CAMTA1: variants seen among roughly 807,000 people sequenced by gnomAD.
The protein encoded by CAMTA1 is calmodulin binding transcription activator 1, also known as calmodulin-binding transcription activator 1.
Under a neutral mutation model 170.9 loss-of-function variants are expected in CAMTA1, and 27 were observed. The ratio of observed to expected loss-of-function variants is 0.16; its 90% CI spans 0.12 to 0.22. The LOEUF (loss-of-function observed/expected upper bound fraction) is 0.22. Ranked by LOEUF, CAMTA1 falls within the 10% of genes least tolerant of loss-of-function variation. The pLI is 1.00. For missense variants in CAMTA1, 1,619 were observed against 2,217.2 expected, an observed-to-expected ratio of 0.73 and a Z score of 5.42; for synonymous variants, 833 against 891.5, an observed-to-expected ratio of 0.93 and a Z score of 1.17.
chr1:7,078,211 A>G (rs1199550273), intron 3 of CAMTA1, among the ~76,000 whole-genome samples: 1 of 152,236 alleles, frequency 6.6e-6, no homozygotes, highest in Non-Finnish European at 1.5e-5. Flanking sequence ...AAGGTTGAAG[A>G]AGAAGCCAAA....
intron 5 of CAMTA1, among the ~76,000 whole-genome samples, chr1:7,347,132 T>C (rs1482072160): frequency 6.6e-6 from 1 of 152,200 alleles, no homozygotes; most frequent in Non-Finnish European, 1.5e-5. Flanking sequence ...CTCATCCCGG[T>C]GGCAGCGTCT....
chr1:6,867,806 T>C (rs1443233416), intron 3 of CAMTA1, among the ~76,000 whole-genome samples: 8 of 151,728 alleles, frequency 5.3e-5, no homozygotes, highest in Non-Finnish European at 1.2e-4. Flanking sequence ...TTTTTTTTTC[T>C]TTTTTTTCCC....
Position 7,577,029 on chromosome 1 carries a change from G to A in CAMTA1, c.511-63371G>A, listed in dbSNP as rs59978392. On this transcript the variant is annotated intron_variant, in intron 6 of 22. Transcript: ENST00000303635. ...CCTTTGTGGTTATTCTTTGCTGAAC[G>A]CCACAACTCCTCAAGCCGAGAGTCA... Among the ~76,000 whole-genome samples the A allele has an allele frequency of 2.9e-3, 444 of 152,320 alleles. 2 individuals are homozygous for A. Among genetic ancestry groups the A allele is most frequent in the African/African-American group, 0.01 (424 of 41,564 alleles).
intron 5 of CAMTA1, among the ~76,000 whole-genome samples, chr1:7,357,353 G>A (rs1212390907): frequency 6.6e-6 from 1 of 152,234 alleles, no homozygotes; most frequent in Non-Finnish European, 1.5e-5. Flanking sequence ...TGGGCTCCTG[G>A]TGAGGAGGGG....
At chr1:7,225,510 T>C (rs1661542128) in intron 4 of CAMTA1, among the ~76,000 whole-genome samples, 1 of 152,238 alleles carries the variant, frequency 6.6e-6, no homozygotes, top group East Asian at 1.9e-4. Flanking sequence ...GGATTTCCCT[T>C]GGAACTTCCC....
At position 7,633,252 on chromosome 1, in the gene CAMTA1, C is replaced by T. The variant is rs554842044; in HGVS notation, c.511-7148C>T. On this transcript the variant is annotated intron_variant, in intron 6 of 22. Transcript: ENST00000303635. The surrounding 1 kb of genome is among the most constrained non-coding windows in gnomAD (Gnocchi z 4.1). ...GAGATGCCCTTCCACCACCTTCAGC[C>T]TGAGAGTCCTGTGCCTGGCAGGGCC... Among the ~76,000 whole-genome samples the T allele has an allele frequency of 1.3e-5, 2 of 152,366 alleles. No individual in the cohort carries two copies. Among genetic ancestry groups the T allele is most frequent in the South Asian group, 4.1e-4 (2 of 4,834 alleles).
intron 3 of CAMTA1, among the ~76,000 whole-genome samples, chr1:7,026,468 G>A (rs1477110797): frequency 6.6e-6 from 1 of 152,182 alleles, no homozygotes; most frequent in Non-Finnish European, 1.5e-5. Flanking sequence ...CCTGCTACCT[G>A]TGGCTCCCCT....
chr1:7,481,681 C>T (rs533127983), intron 6 of CAMTA1, among the ~76,000 whole-genome samples: 61 of 152,302 alleles, frequency 4.0e-4, no homozygotes, highest in Admixed American at 1.8e-3. Flanking sequence ...TGATCACTTA[C>T]GTGTTCCACC....
In CAMTA1 at chr1:6,819,735, T is replaced by A. The variant is rs186208726; in HGVS notation, c.46-446T>A. 2.0e-5 allele frequency among the ~76,000 whole-genome samples: 3 copies of A among 152,360 alleles called. No individual in the cohort carries two copies. In the East Asian group the frequency reaches 5.8e-4, roughly 29 times the overall value. ...CCTGAGCCATTTGAGGATAAATTGC[T>A]GATAAGTTCCATCACTCTCAAATAC... is the stretch of plus-strand genomic sequence containing the variant. On this transcript the variant is annotated intron_variant, in intron 1 of 22. Coordinates refer to ENST00000303635, the MANE Select transcript of CAMTA1 (RefSeq NM_015215.4).
At chr1:7,668,829 T>C (rs562138920) in intron 9 of CAMTA1, among the ~76,000 whole-genome samples, 1 of 152,276 alleles carries the variant, frequency 6.6e-6, no homozygotes, top group East Asian at 1.9e-4. Flanking sequence ...GGTTATTATT[T>C]TTTCCCTTTT....
chr1:7,023,196 C>G (rs1302084348), intron 3 of CAMTA1, among the ~76,000 whole-genome samples: 1 of 152,202 alleles, frequency 6.6e-6, no homozygotes, highest in African/African-American at 2.4e-5. Context: ...AGATATGAGA[C>G]CAAATCCTGC....
intron 4 of CAMTA1, among the ~76,000 whole-genome samples, chr1:7,118,956 G>A (rs1644493216): frequency 5.3e-5 from 8 of 152,212 alleles, no homozygotes; most frequent in Non-Finnish European, 1.5e-5. Flanking sequence ...GTAGCGTGCG[G>A]CATGTGTAAT....
At chr1:7,477,701 G>T (rs1158666415) in intron 6 of CAMTA1, among the ~76,000 whole-genome samples, 2 of 152,156 alleles carry the variant, frequency 1.3e-5, no homozygotes, top group Non-Finnish European at 2.9e-5. Flanking sequence ...CGCCTCTGGG[G>T]ACTGGGCGAC....
chr1:7,663,641 G>C lies in CAMTA1; in HGVS notation c.1094G>C (p.Gly365Ala). 2 of 1,614,156 alleles carry C rather than the reference G, an allele frequency of 1.2e-6. No homozygotes were observed. Among genetic ancestry groups the C allele is most frequent in the East Asian group, 2.2e-5 (1 of 44,884 alleles). ...TQSSPVSISS[G>A]LNSDPDMVDS... is the part of the protein sequence containing the mutation. ...AGCTCCCCTGTGTCCATCAGCAGCGGGCTCAACAGCGACCCGGACATGGTG... is the reference window on the plus strand; with the variant it reads ...AGCTCCCCTGTGTCCATCAGCAGCGCGCTCAACAGCGACCCGGACATGGTG... Residue 365 changes from glycine (G) to alanine (A), a missense_variant, in exon 9 of 23, where the codon GGG (glycine) becomes GCG (alanine). Around this residue, in one of 8 missense-constraint regions of CAMTA1, gnomAD observed 731 missense variants for 907.6 expected, o/e 0.81. Coordinates refer to ENST00000303635, the MANE Select transcript of CAMTA1 (RefSeq NM_015215.4).
chr1:7,380,678 G>A (rs936020923), intron 5 of CAMTA1, among the ~76,000 whole-genome samples: 1 of 152,238 alleles, frequency 6.6e-6, no homozygotes, highest in African/African-American at 2.4e-5. Context: ...TAGTAAGAAT[G>A]TGGCATAAAT....
chr1:6,785,541 C>T lies in CAMTA1; in HGVS notation c.11C>T (p.Ala4Val), dbSNP rs1557530776. ...GCGAGGAGGAGGAGGATGTGGCGCG[C>T]GGAGGGGAAATGGCTGCCGAAAACA... MWRAEGKWLPKTSR... is the reference protein window; with the variant it reads MWRVEGKWLPKTSR... Residue 4 changes from alanine (A) to valine (V), a missense_variant, in exon 1 of 23, where the codon GCG becomes GTG. Ala to Val is a moderately conservative substitution (Grantham distance 64). Around this residue, in one of 8 missense-constraint regions of CAMTA1, gnomAD observed 61 missense variants for 57.7 expected, o/e 1.06. Transcript: ENST00000303635. 1 of 1,076,390 alleles carries T rather than the reference C, an allele frequency of 9.3e-7. No homozygotes were observed. Among genetic ancestry groups the T allele is most frequent in the Non-Finnish European group, 1.1e-6 (1 of 872,678 alleles). 66.7% of individuals were successfully genotyped at this position (1,076,390 alleles called of 1,614,324 possible). A position where few individuals can be genotyped will look rare whatever the true frequency, so the allele number is the denominator to read the frequency against.
At chr1:7,028,312 G>A (rs966362635) in intron 3 of CAMTA1, among the ~76,000 whole-genome samples, 5 of 152,282 alleles carry the variant, frequency 3.3e-5, no homozygotes, top group East Asian at 1.9e-4. Flanking sequence ...TCTTAATTGC[G>A]GAGCACAGAT....
At chr1:7,411,099 G>C (rs907495524) in intron 5 of CAMTA1, among the ~76,000 whole-genome samples, 1 of 152,088 alleles carries the variant, frequency 6.6e-6, no homozygotes, top group African/African-American at 2.4e-5. Flanking sequence ...TCTCACCACG[G>C]TCATCCTGGT....
chr1:7,349,589 G>A (rs944096815), intron 5 of CAMTA1, among the ~76,000 whole-genome samples: 10 of 152,162 alleles, frequency 6.6e-5, no homozygotes, highest in Admixed American at 5.2e-4. Context: ...ATCGAGGTGC[G>A]GGCAGGGCAG....
Sources: gnomAD v4.1 joint callset for allele counts (sites outside exome capture counted in the v4.1 genomes callset) on GRCh38, gnomAD v4.1.1 for gene constraint, gnomAD v4.1.1 regional missense constraint, Gnocchi (gnomAD v3.1) non-coding constraint, MANE v1.5 for transcripts, NCBI Gene and HGNC (gene_info 2026-07-23, HGNC 2026-07-21) for gene names.